The following ARHGEF28 variants were observed in gnomAD, a reference collection of about 807,000 sequenced individuals.
ARHGEF28 encodes the protein 190 kDa guanine nucleotide exchange factor.
ARHGEF28 carries 152 observed loss-of-function variants against 206.6 expected under a neutral mutation model. The ratio of observed to expected loss-of-function variants is 0.74; its 90% CI spans 0.64 to 0.84. The LOEUF (loss-of-function observed/expected upper bound fraction) is 0.84. Ranked by LOEUF, ARHGEF28 falls within the 40% of genes least tolerant of loss-of-function variation. The pLI is 0.00. For synonymous variants in ARHGEF28, 763 were observed against 776.4 expected (o/e 0.98, Z 0.29); for missense variants, 2,028 against 2,073.2 (o/e 0.98, Z 0.42).
intron 22 of ARHGEF28, among the ~76,000 whole-genome samples, chr5:73,875,592 T>A (rs1760417428): frequency 6.6e-6 from 1 of 152,076 alleles, no homozygotes; most frequent in Non-Finnish European, 1.5e-5. Flanking sequence ...GAATTAATTT[T>A]TGTATAAGGT....
chr5:73,892,008 A>T, intron 26 of ARHGEF28, 44 bp from the exon 27 acceptor site: 1 of 1,545,050 alleles, frequency 6.5e-7, no homozygotes, highest in African/African-American at 1.4e-5. Flanking sequence ...GCCTTACTTT[A>T]GCTAGGATGC....
chr5:73,923,572 T>C (rs910895319), intron 35 of ARHGEF28, among the ~76,000 whole-genome samples: 2 of 152,204 alleles, frequency 1.3e-5, no homozygotes, highest in South Asian at 4.1e-4. Flanking sequence ...ATAGGTAAGA[T>C]GAATATATTT....
chr5:73,737,507 CT>C (rs1224310251), intron 2 of ARHGEF28, among the ~76,000 whole-genome samples: 1 of 97,176 alleles, frequency 1.0e-5, no homozygotes, highest in South Asian at 3.0e-4. Flanking sequence ...CTTTTCTTTT[CT>C]TTTCTTTTCT....
In ARHGEF28 at chr5:73,780,648, TG is replaced by T. The variant is rs1753792941; in HGVS notation, c.841-27del. On this transcript the variant is annotated intron_variant, in intron 6 of 35. Transcript: ENST00000513042. ...CCTCAAATGGTTTTCTGTGCTTTTT[TG>T]TTTTTTTTTTCCCCATTGTTTCCTA... 5 of 1,513,548 alleles carry T rather than the reference TG, an allele frequency of 3.3e-6. No individual in the cohort carries two copies. The East Asian group carries it at 1.2e-4, about 38-fold the overall frequency. The allele number at this position is 1,513,548 out of a possible 1,614,324, so 93.8% of individuals were successfully genotyped here. A position where few individuals can be genotyped will look rare whatever the true frequency, so the allele number is the denominator to read the frequency against.
At chr5:73,881,769 C>A (rs560103824) in intron 22 of ARHGEF28, among the ~76,000 whole-genome samples, 3 of 152,300 alleles carry the variant, frequency 2.0e-5, no homozygotes, top group South Asian at 4.1e-4. Flanking sequence ...CTTCACAGCA[C>A]CTTATGATTC....
rs368005197 is a variant in ARHGEF28 at position 73,787,322 on chromosome 5, A to T, written c.910+6577A>T. On this transcript the variant is annotated intron_variant, in intron 7 of 35. Coordinates refer to ENST00000513042, the MANE Select transcript of ARHGEF28 (RefSeq NM_001177693.2). ...AATATTGTTTTCCTAGAAGTAGGGT[A>T]TTTTTGGCATTTTCAACAAAAATCA... 2.4e-4 allele frequency among the ~76,000 whole-genome samples: 37 copies of T among 152,242 alleles called. No homozygotes were observed. The East Asian group carries it at 6.6e-3, about 27-fold the overall frequency.
chr5:73,667,518 G>A (rs1396962516), intron 1 of ARHGEF28, among the ~76,000 whole-genome samples: 1 of 152,208 alleles, frequency 6.6e-6, no homozygotes, highest in East Asian at 1.9e-4. Flanking sequence ...GGTGACAACA[G>A]TAATCTCCAA....
chr5:73,813,395 C>A, intron 9 of ARHGEF28: 2 of 1,137,206 alleles, frequency 1.8e-6, no homozygotes, highest in South Asian at 1.9e-5. Flanking sequence ...GCCTCCTTGT[C>A]GGTCTACACG....
At chr5:73,758,678 C>T (rs890808436) in intron 4 of ARHGEF28, among the ~76,000 whole-genome samples, 16 of 152,152 alleles carry the variant, frequency 1.1e-4, no homozygotes, top group Non-Finnish European at 1.5e-5. Context: ...GCCTCAGCCT[C>T]CTGAGTAGCT....
intron 2 of ARHGEF28, among the ~76,000 whole-genome samples, chr5:73,739,022 G>A (rs1751194344): frequency 6.6e-6 from 1 of 152,154 alleles, no homozygotes; most frequent in African/African-American, 2.4e-5. Context: ...GGCCATTAGT[G>A]ACTTTGGTCA....
intron 9 of ARHGEF28, among the ~76,000 whole-genome samples, chr5:73,798,827 C>T (rs886936335): frequency 2.0e-5 from 3 of 152,188 alleles, no homozygotes; most frequent in African/African-American, 7.2e-5. Flanking sequence ...GTGGCTCATG[C>T]ATGGAATCCC....
At chr5:73,809,815 G>C (rs994262292) in intron 9 of ARHGEF28, among the ~76,000 whole-genome samples, 2 of 152,146 alleles carry the variant, frequency 1.3e-5, no homozygotes, top group South Asian at 2.1e-4. Flanking sequence ...TCAGGCGAAT[G>C]TATCTTCCAT....
chr5:73,684,212 C>G (rs544033769), intron 1 of ARHGEF28, among the ~76,000 whole-genome samples: 3 of 152,136 alleles, frequency 2.0e-5, no homozygotes, highest in African/African-American at 7.2e-5. Flanking sequence ...AACTCTATGG[C>G]CATTAAATAA....
chr5:73,719,848 A>G (rs1175682097), intron 2 of ARHGEF28, among the ~76,000 whole-genome samples: 3 of 152,214 alleles, frequency 2.0e-5, no homozygotes, highest in Non-Finnish European at 2.9e-5. Context: ...TTGTGCCACT[A>G]TAATGGATTA....
chr5:73,821,305 A>C (rs547895985), intron 9 of ARHGEF28, among the ~76,000 whole-genome samples: 64 of 152,154 alleles, frequency 4.2e-4, no homozygotes, highest in Non-Finnish European at 6.6e-4. Flanking sequence ...TTGAGGACAC[A>C]TAAAAAATAA....
At chr5:73,774,216 T>C (rs1389048549) in intron 5 of ARHGEF28, among the ~76,000 whole-genome samples, 178 bp downstream of exon 5, 1 of 152,150 alleles carries the variant, frequency 6.6e-6, no homozygotes, top group East Asian at 1.9e-4. Context: ...TAATGTTTCA[T>C]GAGGGTGAGA....
At chr5:73,664,347 A>G (rs1745808955) in intron 1 of ARHGEF28, among the ~76,000 whole-genome samples, 1 of 152,056 alleles carries the variant, frequency 6.6e-6, no homozygotes, top group African/African-American at 2.4e-5. Flanking sequence ...CACCCCTTCT[A>G]CATTTCTAAC....
chr5:73,906,796 A>AT (rs1169012433), intron 33 of ARHGEF28, among the ~76,000 whole-genome samples: 2 of 149,978 alleles, frequency 1.3e-5, no homozygotes, highest in African/African-American at 4.9e-5. Flanking sequence ...TTTTTTTTTC[A>AT]TTTTGTGTCC....
At chr5:73,666,631 A>T (rs1745977657) in intron 1 of ARHGEF28, among the ~76,000 whole-genome samples, 1 of 152,146 alleles carries the variant, frequency 6.6e-6, no homozygotes, top group South Asian at 2.1e-4. Flanking sequence ...TCAACTGTAG[A>T]ATGATGAGGT....
Sources: gnomAD v4.1 joint callset for allele counts (sites outside exome capture counted in the v4.1 genomes callset) on GRCh38, gnomAD v4.1.1 for gene constraint, MANE v1.5 for transcripts, NCBI Gene and HGNC (gene_info 2026-07-23, HGNC 2026-07-21) for gene names.